SH3GL2: variants seen among roughly 807,000 people sequenced by gnomAD.
SH3GL2 encodes the protein endophilin-A1.
A neutral mutation model predicts 46.0 loss-of-function variants in SH3GL2; 24 were observed. The observed-to-expected ratio is 0.52, with a 90% CI of 0.38 to 0.73. The LOEUF (loss-of-function observed/expected upper bound fraction) is 0.73. Among genes scored for constraint, SH3GL2 ranks in the 30% least tolerant of loss-of-function variants. SH3GL2 has a pLI of 0.00. For synonymous variants in SH3GL2, 196 were observed against 147.1 expected (o/e 1.33, Z -2.40); for missense variants, 413 against 424.2 (o/e 0.97, Z 0.23).
chr9:17,753,633 A>C (rs1273207324), intron 2 of SH3GL2, among the ~76,000 whole-genome samples: 1 of 151,970 alleles, frequency 6.6e-6, no homozygotes, highest in African/African-American at 2.4e-5. Flanking sequence ...TTGTCTTTTT[A>C]CTCCGTTGGT....
intron 1 of SH3GL2, among the ~76,000 whole-genome samples, chr9:17,592,729 C>G (rs537309480): frequency 6.6e-6 from 1 of 151,842 alleles, no homozygotes; most frequent in African/African-American, 2.4e-5. Context: ...TCCCTGTTTC[C>G]TCACAGAAAA....
chr9:17,690,820 ATTAT>A (rs1821057607), intron 1 of SH3GL2, among the ~76,000 whole-genome samples: 1 of 152,130 alleles, frequency 6.6e-6, no homozygotes, highest in African/African-American at 2.4e-5. Context: ...CATGAGAATC[ATTAT>A]TTATCCTCTA....
intron 1 of SH3GL2, among the ~76,000 whole-genome samples, chr9:17,710,732 T>C (rs1407453878): frequency 6.6e-6 from 1 of 151,902 alleles, no homozygotes; most frequent in Non-Finnish European, 1.5e-5. Flanking sequence ...TTTTGACATA[T>C]CCTACAATAG....
intron 1 of SH3GL2, among the ~76,000 whole-genome samples, chr9:17,675,893 T>C (rs555323943): frequency 1.0e-3 from 153 of 152,194 alleles, no homozygotes; most frequent in African/African-American, 3.4e-3. Flanking sequence ...TGCAGTGAGC[T>C]GAGATCGCGC....
intron 1 of SH3GL2, among the ~76,000 whole-genome samples, chr9:17,616,816 A>G (rs915794946): frequency 1.3e-5 from 2 of 152,192 alleles, no homozygotes; most frequent in Non-Finnish European, 2.9e-5. Flanking sequence ...ATACAGACTA[A>G]TAAAAATTAG....
chr9:17,659,668 G>A (rs1820167208), intron 1 of SH3GL2, among the ~76,000 whole-genome samples: 1 of 152,130 alleles, frequency 6.6e-6, no homozygotes, highest in African/African-American at 2.4e-5. Context: ...TTTACTCTCA[G>A]AGTTTACTGA....
intron 1 of SH3GL2, among the ~76,000 whole-genome samples, chr9:17,586,007 TA>T (rs1165249424): frequency 6.6e-6 from 1 of 152,214 alleles, no homozygotes; most frequent in African/African-American, 2.4e-5. Flanking sequence ...TAATAAAGAC[TA>T]AAGAGAGCTA....
At chr9:17,773,274 G>T (rs1259354197) in intron 3 of SH3GL2, among the ~76,000 whole-genome samples, 1 of 152,030 alleles carries the variant, frequency 6.6e-6, no homozygotes, top group Admixed American at 6.5e-5. Context: ...TTTTTACTCA[G>T]TTTCTAGTGT....
At chr9:17,776,096 A>G (rs1823634517) in intron 3 of SH3GL2, among the ~76,000 whole-genome samples, 1 of 152,084 alleles carries the variant, frequency 6.6e-6, no homozygotes, top group African/African-American at 2.4e-5. Flanking sequence ...GGAGGGCAGA[A>G]TCACCCCTCA....
intron 1 of SH3GL2, among the ~76,000 whole-genome samples, chr9:17,677,461 G>A (rs1820641198): frequency 6.6e-6 from 1 of 151,906 alleles, no homozygotes; most frequent in Non-Finnish European, 1.5e-5. Flanking sequence ...CACTTATTTG[G>A]GGGTCTGCAA....
chr9:17,741,384 G>A (rs1260021492), intron 1 of SH3GL2, among the ~76,000 whole-genome samples: 2 of 152,104 alleles, frequency 1.3e-5, no homozygotes, highest in Admixed American at 6.5e-5. Flanking sequence ...AAATAATTAG[G>A]TCATTAATAC....
At chr9:17,695,524 G>C (rs1461854414) in intron 1 of SH3GL2, among the ~76,000 whole-genome samples, 1 of 152,084 alleles carries the variant, frequency 6.6e-6, no homozygotes, top group African/African-American at 2.4e-5. Flanking sequence ...CAATTGCTTA[G>C]ATCTCAATAT....
At chr9:17,711,648 TC>T (rs1821628038) in intron 1 of SH3GL2, among the ~76,000 whole-genome samples, 1 of 151,888 alleles carries the variant, frequency 6.6e-6, no homozygotes, top group African/African-American at 2.4e-5. Context: ...TAAAGTTAAT[TC>T]CTTTATATTG....
intron 1 of SH3GL2, among the ~76,000 whole-genome samples, chr9:17,704,018 A>G (rs541434943): frequency 4.6e-5 from 7 of 152,104 alleles, no homozygotes; most frequent in African/African-American, 7.2e-5. Flanking sequence ...TTTGTAGACC[A>G]TATGGTTCTA....
At chr9:17,640,938 A>G (rs1819666008) in intron 1 of SH3GL2, among the ~76,000 whole-genome samples, 1 of 152,182 alleles carries the variant, frequency 6.6e-6, no homozygotes, top group African/African-American at 2.4e-5. Flanking sequence ...AAGAATGTAA[A>G]TATAGGAAAG....
intron 1 of SH3GL2, among the ~76,000 whole-genome samples, chr9:17,676,939 A>G (rs918061696): frequency 3.3e-5 from 5 of 152,094 alleles, no homozygotes; most frequent in African/African-American, 1.2e-4. Context: ...CTATGTGCCA[A>G]ATATGCCATA....
At chr9:17,636,293 A>G (rs1819542422) in intron 1 of SH3GL2, among the ~76,000 whole-genome samples, 2 of 139,574 alleles carry the variant, frequency 1.4e-5, no homozygotes, top group South Asian at 4.4e-4. Context: ...AATGTTAGGT[A>G]AAGGTAATGG....
At chr9:17,737,249 G>A (rs1339655887) in intron 1 of SH3GL2, among the ~76,000 whole-genome samples, 1 of 152,038 alleles carries the variant, frequency 6.6e-6, no homozygotes, top group African/African-American at 2.4e-5. Context: ...AATACCTAAT[G>A]TAGATGACAG....
intron 3 of SH3GL2, among the ~76,000 whole-genome samples, chr9:17,763,604 G>A (rs896815786): frequency 6.6e-6 from 1 of 152,206 alleles, no homozygotes; most frequent in East Asian, 1.9e-4. Context: ...CAACTTTGCC[G>A]ACACCTTGAT....
Sources: allele counts gnomAD v4.1 joint callset (sites outside exome capture counted in the v4.1 genomes callset), GRCh38; gene constraint gnomAD v4.1.1; transcripts MANE v1.5; gene names NCBI Gene and HGNC (gene_info 2026-07-23, HGNC 2026-07-21).